The following PDE1C variants were observed in gnomAD, a reference collection of about 807,000 sequenced individuals.
PDE1C encodes phosphodiesterase 1C, also known as dual specificity calcium/calmodulin-dependent 3',5'-cyclic nucleotide phosphodiesterase 1C.
In PDE1C, 62 loss-of-function variants were observed where a neutral mutation model predicts 93.1. The observed-to-expected ratio is 0.67, with a 90% confidence interval of 0.54 to 0.82. PDE1C has a LOEUF of 0.82. PDE1C is among the 40% of genes least tolerant of loss of function. The pLI is 0.00. For synonymous variants in PDE1C, 325 were observed against 310.1 expected, an observed-to-expected ratio of 1.05 and a Z score of -0.50; for missense variants, 742 against 884.6, an observed-to-expected ratio of 0.84 and a Z score of 2.04.
chr7:31,621,618 G>A, the PDE1C span, among the ~76,000 whole-genome samples: 1 of 148,202 alleles, frequency 6.7e-6, no homozygotes, highest in South Asian at 2.2e-4. Flanking sequence ...ACTAAACATG[G>A]AAAGGAACAA....
At chr7:31,676,768 A>G in the PDE1C span, among the ~76,000 whole-genome samples, 3 of 152,322 alleles carry the variant, frequency 2.0e-5, no homozygotes, top group African/African-American at 7.2e-5. Context: ...AATTGTTTCT[A>G]TGAATAAAAT....
chr7:31,668,656 G>T, the PDE1C span, among the ~76,000 whole-genome samples: 1 of 152,132 alleles, frequency 6.6e-6, no homozygotes, highest in East Asian at 1.9e-4. Flanking sequence ...GTGGCTTAGC[G>T]GTTGTCTACG....
At chr7:32,424,282 G>A (rs932095816) in intron 1 of PDE1C, among the ~76,000 whole-genome samples, 2 of 152,216 alleles carry the variant, frequency 1.3e-5, no homozygotes, top group South Asian at 4.1e-4. Context: ...GCTCAAAGCA[G>A]TTAAATTTCC....
chr7:32,102,412 C>T (rs973500794), intron 3 of PDE1C, among the ~76,000 whole-genome samples: 1 of 152,200 alleles, frequency 6.6e-6, no homozygotes, highest in African/African-American at 2.4e-5. Flanking sequence ...ACTCAGCTGC[C>T]ATGCCCTTGG....
At chr7:32,116,167 G>A (rs1798974977) in intron 3 of PDE1C, among the ~76,000 whole-genome samples, 2 of 152,072 alleles carry the variant, frequency 1.3e-5, no homozygotes, top group Non-Finnish European at 2.9e-5. Flanking sequence ...GGAACTACAG[G>A]GTGCTTTGAA....
intron 9 of PDE1C, among the ~76,000 whole-genome samples, chr7:31,845,058 C>T (rs575976237): frequency 6.6e-6 from 1 of 152,110 alleles, no homozygotes; most frequent in Non-Finnish European, 1.5e-5. Flanking sequence ...TTTGAAACTA[C>T]CTTAAAGAAA....
chr7:32,061,448 G>A (rs943959499), intron 1 of PDE1C, among the ~76,000 whole-genome samples: 1 of 152,234 alleles, frequency 6.6e-6, no homozygotes, highest in Non-Finnish European at 1.5e-5. Context: ...GGCACCTCTG[G>A]AGCAGGCACA....
intron 2 of PDE1C, among the ~76,000 whole-genome samples, chr7:31,900,975 T>A (rs1799903219): frequency 6.7e-6 from 1 of 150,170 alleles, no homozygotes; most frequent in Admixed American, 6.6e-5. Flanking sequence ...TTTCTTGATT[T>A]AAACAATTAC....
intron 11 of PDE1C, among the ~76,000 whole-genome samples, chr7:31,830,762 C>T (rs575466494): frequency 1.8e-4 from 28 of 152,270 alleles, no homozygotes; most frequent in African/African-American, 6.7e-4. Flanking sequence ...CCTACAATAT[C>T]TCTTATGCCT....
intron 1 of PDE1C, among the ~76,000 whole-genome samples, chr7:32,427,746 A>G (rs1446336995): frequency 6.6e-6 from 1 of 152,208 alleles, no homozygotes; most frequent in Admixed American, 6.5e-5. Context: ...TGCGGGAGAT[A>G]GCGCTTTCTC....
intron 1 of PDE1C, among the ~76,000 whole-genome samples, chr7:32,314,275 A>G (rs1422394801): frequency 6.6e-6 from 1 of 152,130 alleles, no homozygotes; most frequent in African/African-American, 2.4e-5. Context: ...TTCTTTCACT[A>G]ACTAGAAAAC....
intron 1 of PDE1C, among the ~76,000 whole-genome samples, chr7:32,368,244 ACT>A (rs1784261145): frequency 6.6e-6 from 1 of 152,012 alleles, no homozygotes; most frequent in Non-Finnish European, 1.5e-5. Context: ...AAACCTAAAG[ACT>A]CTGCAAAAAA....
At chr7:31,909,612 T>C (rs1239144692) in intron 2 of PDE1C, among the ~76,000 whole-genome samples, 1 of 152,218 alleles carries the variant, frequency 6.6e-6, no homozygotes, top group African/African-American at 2.4e-5. Flanking sequence ...AGATGCATTG[T>C]ACAAAACATA....
chr7:31,759,434 A>G (rs28415387), intron 17 of PDE1C, among the ~76,000 whole-genome samples: 46,949 of 151,986 alleles, frequency 0.31, 7,485 homozygotes, highest in Admixed American at 0.37. Flanking sequence ...AGAAGAACCA[A>G]ACCTGGATCC....
intron 1 of PDE1C, among the ~76,000 whole-genome samples, chr7:32,231,958 TACAC>T (rs920777957): frequency 0.011 from 612 of 55,848 alleles, 8 homozygotes; most frequent in African/African-American, 0.072. Context: ...AATATGTGTA[TACAC>T]ACACACACAC....
the PDE1C span, among the ~76,000 whole-genome samples, chr7:31,696,438 T>C: frequency 6.6e-6 from 1 of 152,194 alleles, no homozygotes; most frequent in Non-Finnish European, 1.5e-5. Context: ...TAGTGAATTG[T>C]GGAAAATTTT....
intron 3 of PDE1C, among the ~76,000 whole-genome samples, chr7:32,099,607 G>A (rs966741004): frequency 6.6e-6 from 1 of 152,118 alleles, no homozygotes; most frequent in Non-Finnish European, 1.5e-5. Flanking sequence ...CTACCTCTCT[G>A]GATTCCTTTT....
intron 1 of PDE1C, among the ~76,000 whole-genome samples, chr7:32,057,473 G>A (rs1469241444): frequency 5.3e-5 from 8 of 152,320 alleles, no homozygotes; most frequent in South Asian, 4.2e-4. Flanking sequence ...TTTACAGGCA[G>A]CTGGTCACAT....
chr7:31,847,884 G>A, intron 9 of PDE1C, 84 bp downstream of exon 9: 1 of 1,415,196 alleles, frequency 7.1e-7, no homozygotes, highest in Non-Finnish European at 9.9e-7. Context: ...TAAGCAAGGT[G>A]TTCTTTTCTC....
Sources: allele counts gnomAD v4.1 joint callset (sites outside exome capture counted in the v4.1 genomes callset), GRCh38; gene constraint gnomAD v4.1.1; transcripts MANE v1.5; gene names NCBI Gene and HGNC (gene_info 2026-07-23, HGNC 2026-07-21).